RFC3: variants seen among roughly 807,000 people sequenced by gnomAD.
RFC3 encodes A1 38 kDa subunit.
Under a neutral mutation model 45.1 loss-of-function variants are expected in RFC3, and 41 were observed. The observed-to-expected ratio is 0.91, with a 90% CI of 0.71 to 1.18. The LOEUF (loss-of-function observed/expected upper bound fraction) is 1.18. RFC3 is among the 50% of genes most tolerant of loss of function. The pLI is 0.00. For missense variants in RFC3, 423 were observed against 428.1 expected (o/e 0.99, Z 0.10); for synonymous variants, 149 against 144.0 (o/e 1.03, Z -0.25).
At chr13:33,822,517 G>T (rs1383803254) in intron 2 of RFC3, among the ~76,000 whole-genome samples, 1 of 152,164 alleles carries the variant, frequency 6.6e-6, no homozygotes. Flanking sequence ...TATGTCTATT[G>T]TAAATAAAAC....
intron 8 of RFC3, among the ~76,000 whole-genome samples, chr13:33,961,075 G>T (rs570868453): frequency 9.9e-5 from 15 of 152,284 alleles, no homozygotes; most frequent in African/African-American, 3.6e-4. Flanking sequence ...TTAAATGGGA[G>T]GTATTTATAC....
At chr13:33,952,617 C>G (rs536209149) in intron 8 of RFC3, among the ~76,000 whole-genome samples, 1 of 152,314 alleles carries the variant, frequency 6.6e-6, no homozygotes, top group East Asian at 1.9e-4. Flanking sequence ...CCCTGGTGAT[C>G]TCTTCAAATC....
chr13:33,823,911 CCA>C lies in RFC3; in HGVS notation c.226-3_226-2del. ...ATGTTAAAAATATCTTTTTCTTTGT[CCA>C]CAGACTCCATCTAAAAAAAAAATTG... On this transcript the variant is annotated splice_region_variant and splice_polypyrimidine_tract_variant and intron_variant, in intron 2 of 8. Transcript: ENST00000380071. The C allele has an allele frequency of 6.8e-7, 1 of 1,479,250 alleles. No individual in the cohort carries two copies. The highest frequency in any genetic ancestry group is 9.3e-7 in the Non-Finnish European group (1 of 1,071,734). 91.6% of individuals were successfully genotyped at this position (1,479,250 alleles called of 1,614,324 possible).
chr13:33,876,699 C>T (rs1223494366), intron 8 of RFC3, among the ~76,000 whole-genome samples: 1 of 152,152 alleles, frequency 6.6e-6, no homozygotes, highest in African/African-American at 2.4e-5. Context: ...TACATTTTGT[C>T]GTAGTTGAAC....
intron 8 of RFC3, among the ~76,000 whole-genome samples, chr13:33,912,259 T>C (rs2082707788): frequency 6.6e-6 from 1 of 152,022 alleles, no homozygotes; most frequent in African/African-American, 2.4e-5. Flanking sequence ...TTTCATTAAC[T>C]CTGGGTCCTA....
At chr13:33,950,137 C>T (rs12431093) in intron 8 of RFC3, among the ~76,000 whole-genome samples, 3 of 151,136 alleles carry the variant, frequency 2.0e-5, no homozygotes, top group Non-Finnish European at 2.9e-5. Context: ...CTGGAGAAAC[C>T]TAGTACAGTG....
intron 7 of RFC3, among the ~76,000 whole-genome samples, chr13:33,832,185 G>C (rs2082111332): frequency 6.6e-6 from 1 of 152,192 alleles, no homozygotes. Flanking sequence ...ACTTTGGAGA[G>C]TATGAAGAAG....
intron 4 of RFC3, among the ~76,000 whole-genome samples, chr13:33,826,611 T>C (rs1368776629): frequency 6.6e-6 from 1 of 152,208 alleles, no homozygotes; most frequent in Non-Finnish European, 1.5e-5. Flanking sequence ...ATTTATGAAT[T>C]TATTTTTTGC....
downstream of RFC3, among the ~76,000 whole-genome samples, chr13:33,840,284 A>G (rs1005095038): frequency 6.6e-6 from 1 of 151,942 alleles, no homozygotes; most frequent in African/African-American, 2.4e-5. Flanking sequence ...CTTTTTTCTC[A>G]CTGTCCTACA....
chr13:33,818,358 A>G (rs373471019), intron 1 of RFC3, 93 bp downstream of exon 1: 17 of 972,586 alleles, frequency 1.7e-5, no homozygotes, highest in African/African-American at 1.4e-4. Flanking sequence ...TCCCGCCCGC[A>G]TTGGAAGGTG....
chr13:33,874,257 C>G (rs1399187712), intron 8 of RFC3, among the ~76,000 whole-genome samples: 2 of 152,172 alleles, frequency 1.3e-5, no homozygotes, highest in Admixed American at 1.3e-4. Flanking sequence ...GCAGAGGCAG[C>G]GTGATGGGGA....
chr13:33,897,618 A>G (rs965560286), intron 8 of RFC3, among the ~76,000 whole-genome samples: 3 of 152,106 alleles, frequency 2.0e-5, no homozygotes, highest in Admixed American at 2.0e-4. Context: ...ATTAAAAGGC[A>G]TAGAGTGGCA....
intron 8 of RFC3, among the ~76,000 whole-genome samples, chr13:33,876,035 G>A (rs2082444330): frequency 1.3e-5 from 2 of 152,274 alleles, no homozygotes; most frequent in Admixed American, 6.5e-5. Flanking sequence ...ACTGATATCC[G>A]TTATCCTGGA....
intron 8 of RFC3, among the ~76,000 whole-genome samples, chr13:33,900,855 T>C (rs1160401564): frequency 6.8e-6 from 1 of 147,872 alleles, no homozygotes; most frequent in Non-Finnish European, 1.5e-5. Flanking sequence ...AAATAATAAA[T>C]ATAATAATCC....
chr13:33,937,996 C>G (rs1009285855), intron 8 of RFC3, among the ~76,000 whole-genome samples: 1 of 151,958 alleles, frequency 6.6e-6, no homozygotes, highest in African/African-American at 2.4e-5. Flanking sequence ...TCCAGAAGAT[C>G]AATCAGGAAG....
chr13:33,847,528 C>G (rs572930938), intron 8 of RFC3: 1 of 151,956 alleles, frequency 6.6e-6, no homozygotes, highest in Non-Finnish European at 1.5e-5. Context: ...GATTGTCAGC[C>G]ATACCAGAAG....
intron 1 of RFC3, 61 bp downstream of exon 1, chr13:33,818,326 C>A: frequency 1.4e-6 from 2 of 1,412,374 alleles, no homozygotes; most frequent in Non-Finnish European, 2.0e-6. Context: ...GGGTTTCGCG[C>A]CCCCCTGAGG....
chr13:33,831,009 A>G (rs1337313234), intron 6 of RFC3, among the ~76,000 whole-genome samples, 154 bp downstream of exon 6: 2 of 152,342 alleles, frequency 1.3e-5, no homozygotes, highest in South Asian at 2.1e-4. Flanking sequence ...ATTAAGCATT[A>G]GATTTTCATT....
chr13:33,970,282 T>C (rs146209728), downstream of RFC3, among the ~76,000 whole-genome samples: 710 of 152,360 alleles, frequency 4.7e-3, 8 homozygotes, highest in African/African-American at 0.016. Flanking sequence ...TTTTTATGGC[T>C]GCATAGTATT....
Sources: gnomAD v4.1 joint callset for allele counts (sites outside exome capture counted in the v4.1 genomes callset) on GRCh38, gnomAD v4.1.1 for gene constraint, MANE v1.5 for transcripts, NCBI Gene and HGNC (gene_info 2026-07-23, HGNC 2026-07-21) for gene names.